NGEF: variants seen among roughly 807,000 people sequenced by gnomAD.
NGEF encodes neuronal guanine nucleotide exchange factor.
NGEF carries 31 observed loss-of-function variants against 80.9 expected under a neutral mutation model. That is an observed-to-expected ratio of 0.38 (90% CI 0.29 to 0.52). The LOEUF (loss-of-function observed/expected upper bound fraction) is 0.52, where lower values mean the gene tolerates loss of function less well. Ranked by LOEUF, NGEF falls within the 20% of genes least tolerant of loss-of-function variation. NGEF has a pLI of 0.84. For synonymous variants in NGEF, 371 were observed against 370.2 expected (o/e 1.00, Z -0.03); for missense variants, 709 against 926.2 (o/e 0.77, Z 3.04).
intron 3 of NGEF, chr2:232,927,857 C>G: frequency 2.4e-6 from 3 of 1,238,232 alleles, no homozygotes; most frequent in Non-Finnish European, 3.0e-6. Context: ...CACGCGGGGG[C>G]GGCGCGCCGG....
At chr2:232,899,974 A>T (rs1692246054) in intron 5 of NGEF, among the ~76,000 whole-genome samples, 1 of 88,872 alleles carries the variant, frequency 1.1e-5, no homozygotes, top group African/African-American at 5.3e-5. Flanking sequence ...ACTCATATAC[A>T]CATTCACTCA....
At chr2:232,896,234 G>A (rs1237014831) in intron 5 of NGEF, among the ~76,000 whole-genome samples, 2 of 152,158 alleles carry the variant, frequency 1.3e-5, no homozygotes, top group Non-Finnish European at 2.9e-5. Context: ...GATCATCCTG[G>A]GTTAAGGTTG....
intron 1 of NGEF, among the ~76,000 whole-genome samples, chr2:232,995,700 T>G (rs987926757): frequency 3.5e-5 from 5 of 141,778 alleles, no homozygotes; most frequent in East Asian, 4.1e-4. Flanking sequence ...AGTGTATGTA[T>G]TATATGTGTA....
At position 232,974,716 on chromosome 2, in the gene NGEF, T is replaced by C. The variant is rs748300518; in HGVS notation, c.175A>G (p.Ile59Val). The change falls in exon 2 of 15, where the codon ATT becomes GTT. Residue 59 changes from isoleucine to valine, a missense_variant. Around this residue, in one of 2 missense-constraint regions of NGEF, gnomAD observed 283 missense variants for 303.4 expected, o/e 0.93. Transcript: ENST00000264051. ...CGATTGAAGATGGAATTTCTCTTAATTGGGATGTGGCAATGAGGCTCTTTG... is the reference window on the plus strand; with the variant it reads ...CGATTGAAGATGGAATTTCTCTTAACTGGGATGTGGCAATGAGGCTCTTTG... ...QDKEPHCHIP[I>V]KRNSIFNRSI... 1.9e-6 allele frequency: 3 copies of C among 1,614,246 alleles called. No homozygotes were observed. The highest frequency in any genetic ancestry group is 2.2e-5 in the East Asian group (1 of 44,884).
intron 1 of NGEF, among the ~76,000 whole-genome samples, chr2:232,997,579 C>T (rs978527602): frequency 7.2e-5 from 11 of 152,142 alleles, no homozygotes; most frequent in Admixed American, 2.6e-4. Context: ...CGGCACCAGT[C>T]GACTCCCTAT....
At chr2:232,986,966 C>G (rs553230136) in intron 1 of NGEF, among the ~76,000 whole-genome samples, 7 of 152,232 alleles carry the variant, frequency 4.6e-5, no homozygotes, top group Non-Finnish European at 8.8e-5. Flanking sequence ...ACATATACAG[C>G]AGGAAGCATA....
intron 12 of NGEF, among the ~76,000 whole-genome samples, chr2:232,882,593 G>A (rs887177732): frequency 6.6e-6 from 1 of 152,226 alleles, no homozygotes; most frequent in Non-Finnish European, 1.5e-5. Flanking sequence ...CCACAGCCAC[G>A]CCACCAAAGC....
chr2:232,983,548 T>G (rs867435555), intron 1 of NGEF, among the ~76,000 whole-genome samples: 1 of 152,046 alleles, frequency 6.6e-6, no homozygotes, highest in African/African-American at 2.4e-5. Context: ...CAGGGAGCCT[T>G]GGCTCAAGAA....
intron 1 of NGEF, among the ~76,000 whole-genome samples, chr2:232,976,608 A>C (rs1202211844): frequency 6.6e-6 from 1 of 152,204 alleles, no homozygotes. Flanking sequence ...TTTGTATCAG[A>C]AGGTTTGCCC....
intron 1 of NGEF, among the ~76,000 whole-genome samples, chr2:233,000,775 C>T (rs1392308236): frequency 2.1e-5 from 3 of 140,812 alleles, no homozygotes; most frequent in Admixed American, 1.4e-4. Flanking sequence ...AAAAAAAAAA[C>T]GAAAAAACCT....
intron 1 of NGEF, among the ~76,000 whole-genome samples, chr2:233,004,195 G>C (rs1435596402): frequency 6.6e-6 from 1 of 152,100 alleles, no homozygotes; most frequent in Non-Finnish European, 1.5e-5. Flanking sequence ...GCTGGAGAGA[G>C]GAACTCTCCA....
At chr2:232,900,478 G>A (rs1418290903) in intron 5 of NGEF, among the ~76,000 whole-genome samples, 4 of 80,662 alleles carry the variant, frequency 5.0e-5, no homozygotes, top group South Asian at 5.3e-4. Context: ...TCACACACAC[G>A]CTCTCACAGT....
chr2:232,923,779 A>T (rs564437629), intron 4 of NGEF, among the ~76,000 whole-genome samples: 1 of 152,342 alleles, frequency 6.6e-6, no homozygotes, highest in South Asian at 2.1e-4. Context: ...ACACAGGCAC[A>T]AGGCATAGCC....
At chr2:232,922,301 AATT>A (rs1419514456) in intron 4 of NGEF, among the ~76,000 whole-genome samples, 1 of 152,230 alleles carries the variant, frequency 6.6e-6, no homozygotes, top group African/African-American at 2.4e-5. Context: ...AGGCTGGAGA[AATT>A]ATATTCATGA....
intron 5 of NGEF, among the ~76,000 whole-genome samples, chr2:232,904,794 A>G (rs1692451499): frequency 6.6e-6 from 1 of 152,052 alleles, no homozygotes; most frequent in Admixed American, 6.5e-5. Context: ...AAATTTTTAA[A>G]GATTAGCCTG....
intron 3 of NGEF, among the ~76,000 whole-genome samples, chr2:232,964,527 C>T (rs1694018546): frequency 6.6e-6 from 1 of 152,126 alleles, no homozygotes; most frequent in African/African-American, 2.4e-5. Context: ...ACACCTGTCT[C>T]TACTAAAAAT....
At chr2:232,942,576 G>A (rs1256029675) in intron 3 of NGEF, among the ~76,000 whole-genome samples, 1 of 152,100 alleles carries the variant, frequency 6.6e-6, no homozygotes, top group Non-Finnish European at 1.5e-5. Context: ...GGTGGCTCAC[G>A]CCTGTAAATG....
Position 232,892,979 on chromosome 2 carries a change from C to T in NGEF, c.1061G>A (p.Arg354His), listed in dbSNP as rs765885436. 30 of 1,613,602 alleles carry T rather than the reference C, an allele frequency of 1.9e-5. 1 individual carries two copies. The highest frequency in any genetic ancestry group is 1.7e-4 in the Middle Eastern group (1 of 6,060). Residue 354 changes from arginine to histidine, a missense_variant, in exon 7 of 15, where the codon CGT becomes CAT. Physicochemically the swap from Arg to His is conservative, Grantham distance 29 (BLOSUM62 0). Around this residue, in one of 2 missense-constraint regions of NGEF, gnomAD observed 426 missense variants for 622.9 expected, o/e 0.68. Transcript: ENST00000264051. This position sits in a 1 kb window ranked among gnomAD's most constrained non-coding sequence, Gnocchi z 4.0. Reference sequence around the variant, plus strand: ...GACAGAGAAGTGGTCGGCCGCATAACGGTACACAATGTCACACACGTCAGA... The same window carrying T: ...GACAGAGAAGTGGTCGGCCGCATAATGGTACACAATGTCACACACGTCAGA... ...VISDVCDIVYRYAADHFSVYI... is the reference protein window; with the variant it reads ...VISDVCDIVYHYAADHFSVYI...
chr2:232,907,236 A>G (rs894497965), intron 5 of NGEF, among the ~76,000 whole-genome samples: 2 of 150,666 alleles, frequency 1.3e-5, no homozygotes, highest in Non-Finnish European at 3.0e-5. Flanking sequence ...TTTGTTCTGA[A>G]ATCCTGGCTC....
Sources: gnomAD v4.1 joint callset for allele counts (sites outside exome capture counted in the v4.1 genomes callset) on GRCh38, gnomAD v4.1.1 for gene constraint, gnomAD v4.1.1 regional missense constraint, Gnocchi (gnomAD v3.1) non-coding constraint, MANE v1.5 for transcripts, NCBI Gene and HGNC (gene_info 2026-07-23, HGNC 2026-07-21) for gene names.